The following DMRTA2 variants were observed in gnomAD, a reference collection of about 807,000 sequenced individuals.
DMRTA2 encodes doublesex- and mab-3-related transcription factor A2.
A neutral mutation model predicts 29.7 loss-of-function variants in DMRTA2; 10 were observed. That is an observed-to-expected ratio of 0.34 (90% CI 0.21 to 0.57). DMRTA2 has a LOEUF of 0.57. DMRTA2 is among the 20% of genes least tolerant of loss of function. DMRTA2 has a pLI of 0.87. For missense variants in DMRTA2, 783 were observed against 812.1 expected (o/e 0.96, Z 0.44); for synonymous variants, 469 against 402.6 (o/e 1.16, Z -1.97).
chr1:50,418,454 C>A lies in DMRTA2; in HGVS notation c.*211G>T, dbSNP rs10159175. ...AGATGAGGACCCAGGCCGCGCACCC[C>A]CTCCGAGAACACCTGCACCTGTCTG... On this transcript the variant is annotated 3_prime_UTR_variant, in exon 3 of 3. Transcript: ENST00000404795. The A allele has an allele frequency of 0.011, 4,483 of 401,194 alleles. 203 individuals are homozygous for A. The highest frequency in any genetic ancestry group is 0.084 in the African/African-American group (4,070 of 48,706). 24.9% of individuals were successfully genotyped at this position (401,194 alleles called of 1,614,324 possible). A position where few individuals can be genotyped will look rare whatever the true frequency, so the allele number is the denominator to read the frequency against.
Position 50,419,864 on chromosome 1 carries a change from C to G in DMRTA2, c.560-130G>C. 2.6e-6 allele frequency: 2 copies of G among 770,738 alleles called. No homozygotes were observed. Among genetic ancestry groups the G allele is most frequent in the Non-Finnish European group, 3.8e-6 (2 of 519,766 alleles). 47.7% of individuals were successfully genotyped at this position (770,738 alleles called of 1,614,324 possible). A position where few individuals can be genotyped will look rare whatever the true frequency, so the allele number is the denominator to read the frequency against. On this transcript the variant is annotated intron_variant, in intron 2 of 2. Transcript: ENST00000404795. This position sits in a 1 kb window ranked among gnomAD's most constrained non-coding sequence, Gnocchi z 6.1. ...CCTTATTCACTAGGCTCCAGTGCCC[C>G]TCTTTCTTTTTGCTCTAGCATTCCT...
In DMRTA2 at chr1:50,419,920, A is replaced by G. The variant is rs750582456; in HGVS notation, c.560-186T>C. ...TCTGAGCCCCTACAGCCCTGACCCC[A>G]GGGCTCCCTCTCTTTCTGTACTCCT... On this transcript the variant is annotated intron_variant, in intron 2 of 2. Transcript: ENST00000404795. This position sits in a 1 kb window ranked among gnomAD's most constrained non-coding sequence, Gnocchi z 6.1. Among the ~76,000 whole-genome samples the G allele has an allele frequency of 2.0e-5, 3 of 151,790 alleles. No individual in the cohort carries two copies. Among genetic ancestry groups the G allele is most frequent in the African/African-American group, 4.8e-5 (2 of 41,300 alleles).
rs1417510530 is a variant in DMRTA2, at chr1:50,421,817, TAA to T, written c.-8-275_-8-274del. Among the ~76,000 whole-genome samples, 1 of 152,032 alleles carries T rather than the reference TAA, an allele frequency of 6.6e-6. No homozygotes were observed. Among genetic ancestry groups the T allele is most frequent in the Non-Finnish European group, 1.5e-5 (1 of 68,014 alleles). ...GAATTAGTGATTCCGCTGGAAAAAA[TAA>T]AGAGACATGTAAAGTGTGAAAGTCA... On this transcript the variant is annotated intron_variant, in intron 1 of 2. Transcript: ENST00000404795. This position sits in a 1 kb window ranked among gnomAD's most constrained non-coding sequence, Gnocchi z 8.7.
chr1:50,420,903 G>T lies in DMRTA2; in HGVS notation c.559+75C>A. ...ACGGGGGTTCTACTCTTTCTGAACCGAGACAAGCCCCTGGGCCCCGTGCCC... is the reference window on the plus strand; with the variant it reads ...ACGGGGGTTCTACTCTTTCTGAACCTAGACAAGCCCCTGGGCCCCGTGCCC... On this transcript the variant is annotated intron_variant, in intron 2 of 2. Coordinates refer to ENST00000404795, the MANE Select transcript of DMRTA2 (RefSeq NM_032110.3). The surrounding 1 kb of genome is among the most constrained non-coding windows in gnomAD (Gnocchi z 4.1). The T allele has an allele frequency of 7.2e-7, 1 of 1,386,312 alleles. No homozygotes were observed. Among genetic ancestry groups the T allele is most frequent in the South Asian group, 1.6e-5 (1 of 62,012 alleles). 85.9% of individuals were successfully genotyped at this position (1,386,312 alleles called of 1,614,324 possible).
chr1:50,419,100 C>G lies in DMRTA2; in HGVS notation c.1194G>C (p.Gly398=). 8.3e-7 allele frequency: 1 copy of G among 1,203,870 alleles called. No individual in the cohort carries two copies. Among genetic ancestry groups the G allele is most frequent in the Non-Finnish European group, 1.0e-6 (1 of 974,982 alleles). The allele number at this position is 1,203,870 out of a possible 1,614,324, so 74.6% of individuals were successfully genotyped here. The part of the protein sequence containing the change: ...DAAAAAAAAA[G]GPGLPAPLQA... ...GCAGCGGCGCAGGCAGCCCAGGCCC[C>G]CCGGCGGCGGCGGCGGCGGCGGCGG... Residue 398 remains glycine (G), a synonymous_variant, in exon 3 of 3, where the codon GGG becomes GGC. Coordinates refer to ENST00000404795, the MANE Select transcript of DMRTA2 (RefSeq NM_032110.3). This position sits in a 1 kb window ranked among gnomAD's most constrained non-coding sequence, Gnocchi z 6.1.
rs1188205301 is a variant in DMRTA2, at chr1:50,419,304, G to T, written c.990C>A (p.Gly330=). The change falls in exon 3 of 3, where the codon GGC becomes GGA. Residue 330 remains glycine (G), a synonymous_variant. Transcript: ENST00000404795. The surrounding 1 kb of genome is among the most constrained non-coding windows in gnomAD (Gnocchi z 6.1). ...LTRVFPGHRR[G]VLELVLQGCG... is the part of the protein sequence containing the mutation. ...AGCCCTGCAACACCAGCTCCAGGAC[G>T]CCTCGCCGGTGGCCTGGGAACACGC... 1 of 1,595,696 alleles carries T rather than the reference G, an allele frequency of 6.3e-7. No individual in the cohort carries two copies. The highest frequency in any genetic ancestry group is 8.5e-7 in the Non-Finnish European group (1 of 1,178,670).
rs1238510270 is a variant in DMRTA2 at position 50,419,404 on chromosome 1, C to T, written c.890G>A (p.Gly297Asp). Residue 297 changes from glycine to aspartate, a missense_variant, in exon 3 of 3, where the codon GGT (glycine) becomes GAT (aspartate). Gly to Asp is a moderately conservative substitution (Grantham distance 94, BLOSUM62 -1). Around this residue, in one of 3 missense-constraint regions of DMRTA2, gnomAD observed 667 missense variants for 624.8 expected, o/e 1.07. Transcript: ENST00000404795. This position sits in a 1 kb window ranked among gnomAD's most constrained non-coding sequence, Gnocchi z 6.1. The stretch of plus-strand genomic sequence containing the variant: ...CAGCCCTGGCGCCGGCGCGGCCTCA[C>T]CCTCTTCTTTGTCAGCCTCTGAACC... ...ESGSEADKEE[G>D]EAAPAPGLGG... is the part of the protein sequence containing the mutation. 4.4e-6 allele frequency: 7 copies of T among 1,597,656 alleles called. No homozygotes were observed. Among genetic ancestry groups the T allele is most frequent in the Middle Eastern group, 1.7e-4 (1 of 6,048 alleles).
Position 50,419,618 on chromosome 1 carries a change from GC to G in DMRTA2, c.675del (p.Thr228ArgfsTer25). 1 of 1,529,318 alleles carries G rather than the reference GC, an allele frequency of 6.5e-7. No homozygotes were observed. Among genetic ancestry groups the G allele is most frequent in the Non-Finnish European group, 8.8e-7 (1 of 1,140,372 alleles). The allele number at this position is 1,529,318 out of a possible 1,614,324, so 94.7% of individuals were successfully genotyped here. Reference sequence around the variant, plus strand: ...CGCACCTCTGGGGACGACGTCCCGGGCCCCGAGTCTGCGCCGTCGGGTGATA... The same window carrying G: ...CGCACCTCTGGGGACGACGTCCCGGGCCCGAGTCTGCGCCGTCGGGTGATA... The part of the protein sequence containing the change: ...KPLSPDGADS[G>X]PGTSSPEVRP... On this transcript the variant is annotated frameshift_variant, in exon 3 of 3. Coordinates refer to ENST00000404795, the MANE Select transcript of DMRTA2 (RefSeq NM_032110.3). LOFTEE classifies it high-confidence loss of function. The surrounding 1 kb of genome is among the most constrained non-coding windows in gnomAD (Gnocchi z 6.1).
Position 50,422,943 on chromosome 1 carries a change from C to G in DMRTA2, c.-9+173G>C, listed in dbSNP as rs2148966369. Among the ~76,000 whole-genome samples, 1 of 152,226 alleles carries G rather than the reference C, an allele frequency of 6.6e-6. No homozygotes were observed. Among genetic ancestry groups the G allele is most frequent in the East Asian group, 1.9e-4 (1 of 5,184 alleles). On this transcript the variant is annotated intron_variant, in intron 1 of 2. Transcript: ENST00000404795. This position sits in a 1 kb window ranked among gnomAD's most constrained non-coding sequence, Gnocchi z 5.7. ...CGTTCCCCGTCCCTGCCAGAGCCCG[C>G]GACAGAGTCCTTGTGTCTCCGTCCG... is the stretch of plus-strand genomic sequence containing the variant.
Position 50,421,897 on chromosome 1 carries a change from A to G in DMRTA2, c.-8-353T>C, listed in dbSNP as rs1402343077. Reference sequence around the variant, plus strand: ...TGGAAAAGTTAAGATGATACCCCAAAGCTTAGCCTAATTGGGGTGAGACGG... The same window carrying G: ...TGGAAAAGTTAAGATGATACCCCAAGGCTTAGCCTAATTGGGGTGAGACGG... On this transcript the variant is annotated intron_variant, in intron 1 of 2. Transcript: ENST00000404795. This position sits in a 1 kb window ranked among gnomAD's most constrained non-coding sequence, Gnocchi z 8.7. Among the ~76,000 whole-genome samples, 1 of 152,240 alleles carries G rather than the reference A, an allele frequency of 6.6e-6. No individual in the cohort carries two copies. Among genetic ancestry groups the G allele is most frequent in the African/African-American group, 2.4e-5 (1 of 41,452 alleles).
In DMRTA2 at chr1:50,421,480, T is replaced by TGCCGCC; in HGVS notation, c.51_56dup (p.Ala18_Ala19dup). 2.4e-6 allele frequency: 3 copies of TGCCGCC among 1,275,384 alleles called. No homozygotes were observed. Among genetic ancestry groups the TGCCGCC allele is most frequent in the African/African-American group, 3.1e-5 (2 of 64,550 alleles). The allele number at this position is 1,275,384 out of a possible 1,614,324, so 79.0% of individuals were successfully genotyped here. ...ACGCCACAGGCGGCCCCGTCGCTGT[T>TGCCGCC]GCCGCCGCCGCCGTCGCCGCGCCGG... On this transcript the variant is annotated inframe_insertion, in exon 2 of 3. Transcript: ENST00000404795. The surrounding 1 kb of genome is among the most constrained non-coding windows in gnomAD (Gnocchi z 8.7).
At position 50,419,103 on chromosome 1, in the gene DMRTA2, GGCGGC is replaced by G; in HGVS notation, c.1186_1190del (p.Ala396ArgfsTer109). ...GCGGCGCAGGCAGCCCAGGCCCCCC[GGCGGC>G]GGCGGCGGCGGCGGCGGCGGCGTCG... On this transcript the variant is annotated frameshift_variant, in exon 3 of 3. Transcript: ENST00000404795. LOFTEE classifies it high-confidence loss of function. The surrounding 1 kb of genome is among the most constrained non-coding windows in gnomAD (Gnocchi z 6.1). 1 of 517,836 alleles carries G rather than the reference GGCGGC, an allele frequency of 1.9e-6. No homozygotes were observed. Among genetic ancestry groups the G allele is most frequent in the Non-Finnish European group, 2.6e-6 (1 of 387,786 alleles). The allele number at this position is 517,836 out of a possible 1,614,324, so 32.1% of individuals were successfully genotyped here.
In DMRTA2 at chr1:50,419,739, G is replaced by A. The variant is rs1468145490; in HGVS notation, c.560-5C>T. On this transcript the variant is annotated splice_region_variant and splice_polypyrimidine_tract_variant and intron_variant, in intron 2 of 2. Transcript: ENST00000404795. The surrounding 1 kb of genome is among the most constrained non-coding windows in gnomAD (Gnocchi z 6.1). Reference sequence around the variant, plus strand: ...CAAACTTCTGCAACTTGGCCTCTGGGAGGGGAGAAAACGTGTCGTGAGGAG... The same window carrying A: ...CAAACTTCTGCAACTTGGCCTCTGGAAGGGGAGAAAACGTGTCGTGAGGAG... 1 of 1,462,886 alleles carries A rather than the reference G, an allele frequency of 6.8e-7. No homozygotes were observed. The highest frequency in any genetic ancestry group is 2.7e-5 in the Admixed American group (1 of 37,260). The allele number at this position is 1,462,886 out of a possible 1,614,324, so 90.6% of individuals were successfully genotyped here. A position where few individuals can be genotyped will look rare whatever the true frequency, so the allele number is the denominator to read the frequency against.
Position 50,421,530 on chromosome 1 carries a change from G to A in DMRTA2, c.7C>T (p.Leu3=). 1 of 1,255,696 alleles carries A rather than the reference G, an allele frequency of 8.0e-7. No individual in the cohort carries two copies. The highest frequency in any genetic ancestry group is 1.6e-5 in the African/African-American group (1 of 64,418). The allele number at this position is 1,255,696 out of a possible 1,614,324, so 77.8% of individuals were successfully genotyped here. The change falls in exon 2 of 3, where the codon CTG becomes TTG. Residue 3 remains leucine, a synonymous_variant. Transcript: ENST00000404795. The surrounding 1 kb of genome is among the most constrained non-coding windows in gnomAD (Gnocchi z 8.7). ...GGCACGCTGGGCAGCTCCGAGCGCAGCTCCATGACAGGACCTGACGGGAAA... is the reference window on the plus strand; with the variant it reads ...GGCACGCTGGGCAGCTCCGAGCGCAACTCCATGACAGGACCTGACGGGAAA... ME[L]RSELPSVPGA...
At position 50,419,066 on chromosome 1, in the gene DMRTA2, G is replaced by A. The variant is rs1308311079; in HGVS notation, c.1228C>T (p.Pro410Ser). Residue 410 changes from proline to serine, a missense_variant, in exon 3 of 3, where the codon CCC (proline) becomes TCC (serine). Pro to Ser is a moderately conservative substitution (Grantham distance 74). Coordinates refer to ENST00000404795, the MANE Select transcript of DMRTA2 (RefSeq NM_032110.3). This position sits in a 1 kb window ranked among gnomAD's most constrained non-coding sequence, Gnocchi z 6.1. ...PGLPAPLQAGPAAPPHHRPLL... is the reference protein window; with the variant it reads ...PGLPAPLQAGSAAPPHHRPLL... ...GGTCTGTGGTGCGGAGGTGCGGCGGGCCCCGCCTGCAGCGGCGCAGGCAGC... is the reference window on the plus strand; with the variant it reads ...GGTCTGTGGTGCGGAGGTGCGGCGGACCCCGCCTGCAGCGGCGCAGGCAGC... 26 of 1,277,148 alleles carry A rather than the reference G, an allele frequency of 2.0e-5. 1 individual carries two copies. The highest frequency in any genetic ancestry group is 1.6e-4 in the Admixed American group (4 of 25,594). 79.1% of individuals were successfully genotyped at this position (1,277,148 alleles called of 1,614,324 possible).
At position 50,421,724 on chromosome 1, in the gene DMRTA2, A is replaced by G. The variant is rs372860069; in HGVS notation, c.-8-180T>C. On this transcript the variant is annotated intron_variant, in intron 1 of 2. Coordinates refer to ENST00000404795, the MANE Select transcript of DMRTA2 (RefSeq NM_032110.3). This position sits in a 1 kb window ranked among gnomAD's most constrained non-coding sequence, Gnocchi z 8.7. ...TCGGAACCTCCTTGTGAGCCCTAGC[A>G]CCTTCACCCCAGTCTGGCCATGGCT... The G allele has an allele frequency of 2.1e-4, 124 of 588,194 alleles. 1 individual carries two copies. The South Asian group carries it at 3.8e-3, about 18-fold the overall frequency. The allele number at this position is 588,194 out of a possible 1,614,324, so 36.4% of individuals were successfully genotyped here.
Position 50,419,359 on chromosome 1 carries a change from C to T in DMRTA2, c.935G>A (p.Arg312Gln), listed in dbSNP as rs987354158. 6.3e-7 allele frequency: 1 copy of T among 1,596,942 alleles called. No individual in the cohort carries two copies. Among genetic ancestry groups the T allele is most frequent in the Non-Finnish European group, 8.5e-7 (1 of 1,179,102 alleles). Reference sequence around the variant, plus strand: ...CAAGATATCCAGCGGCGTCCGCTGCCGTGGACCCGAGCCTCCGCCCAGCCC... The same window carrying T: ...CAAGATATCCAGCGGCGTCCGCTGCTGTGGACCCGAGCCTCCGCCCAGCCC... ...APGLGGGSGP[R>Q]QRTPLDILTR... Residue 312 changes from arginine to glutamine, a missense_variant, in exon 3 of 3, where the codon CGG becomes CAG. By Grantham distance (43) the Arg-to-Gln change is conservative. Around this residue, in one of 3 missense-constraint regions of DMRTA2, gnomAD observed 667 missense variants for 624.8 expected, o/e 1.07. Coordinates refer to ENST00000404795, the MANE Select transcript of DMRTA2 (RefSeq NM_032110.3). This position sits in a 1 kb window ranked among gnomAD's most constrained non-coding sequence, Gnocchi z 6.1.
rs1340451813 is a variant in DMRTA2 at position 50,423,418 on chromosome 1, T to C, written c.-311A>G. On this transcript the variant is annotated 5_prime_UTR_variant, in exon 1 of 3. Coordinates refer to ENST00000404795, the MANE Select transcript of DMRTA2 (RefSeq NM_032110.3). Reference sequence around the variant, plus strand: ...GACGCTGCGCGCAGCCGGGGCCCAGTTGCCCGGCGCTGCCAGACTCTCAAT... The same window carrying C: ...GACGCTGCGCGCAGCCGGGGCCCAGCTGCCCGGCGCTGCCAGACTCTCAAT... 1 of 152,174 alleles carries C rather than the reference T, an allele frequency of 6.6e-6. No homozygotes were observed. The highest frequency in any genetic ancestry group is 2.4e-5 in the African/African-American group (1 of 41,448). 9.4% of individuals were successfully genotyped at this position (152,174 alleles called of 1,614,324 possible). A position where few individuals can be genotyped will look rare whatever the true frequency, so the allele number is the denominator to read the frequency against.
Position 50,421,392 on chromosome 1 carries a change from C to T in DMRTA2, c.145G>A (p.Gly49Ser), listed in dbSNP as rs1339501309. ...AACAGTGGCGGCCCCCGCAGCAAGC[C>T]GCCTGCCACGCTCACCGGTAGCGAT... is the stretch of plus-strand genomic sequence containing the variant. ...AASLPVSVAG[G>S]LLRGPPLLLR... is the part of the protein sequence containing the mutation. Residue 49 changes from glycine to serine, a missense_variant, in exon 2 of 3, where the codon GGC (glycine) becomes AGC (serine). Physicochemically the swap from Gly to Ser is moderately conservative, Grantham distance 56 (BLOSUM62 0). This residue lies in a region of DMRTA2 where 76 missense variants were observed against 152.6 expected (regional missense o/e 0.50). Transcript: ENST00000404795. The surrounding 1 kb of genome is among the most constrained non-coding windows in gnomAD (Gnocchi z 8.7). The T allele has an allele frequency of 3.4e-6, 5 of 1,488,146 alleles. No homozygotes were observed. The highest frequency in any genetic ancestry group is 2.7e-6 in the Non-Finnish European group (3 of 1,121,094). The allele number at this position is 1,488,146 out of a possible 1,614,324, so 92.2% of individuals were successfully genotyped here.
Sources: gnomAD v4.1 joint callset for allele counts (sites outside exome capture counted in the v4.1 genomes callset) on GRCh38, gnomAD v4.1.1 for gene constraint, gnomAD v4.1.1 regional missense constraint, Gnocchi (gnomAD v3.1) non-coding constraint, MANE v1.5 for transcripts, NCBI Gene and HGNC (gene_info 2026-07-23, HGNC 2026-07-21) for gene names.